Variants in TMOD3 observed in about 807,000 individuals in gnomAD.
TMOD3 encodes the protein tropomodulin 3, also known as tropomodulin-3.
TMOD3 carries 20 observed loss-of-function variants against 39.2 expected under a neutral mutation model. The observed-to-expected ratio is 0.51, with a 90% CI of 0.36 to 0.74. The LOEUF (loss-of-function observed/expected upper bound fraction) is 0.74, where lower values mean the gene tolerates loss of function less well. Among genes scored for constraint, TMOD3 ranks in the 30% least tolerant of loss-of-function variants. The pLI, the probability that TMOD3 is intolerant of heterozygous loss-of-function variation, is 0.00. For synonymous variants in TMOD3, 143 were observed against 145.8 expected (o/e 0.98, Z 0.14); for missense variants, 381 against 412.8 (o/e 0.92, Z 0.67).
rs2593179 is a variant in TMOD3, at chr15:51,912,407, A to G, written c.*3597A>G. ...GCGCCATTGCACTCCAGCATGGGCA[A>G]CAAGAGTGAAACTCCGTCTCAAAAA... is the stretch of plus-strand genomic sequence containing the variant. On this transcript the variant is annotated 3_prime_UTR_variant, in exon 10 of 10. Transcript: ENST00000308580. The G allele has an allele frequency of 0.56, 84,069 of 150,688 alleles. 23,746 individuals are homozygous for G. The highest frequency in any genetic ancestry group is 0.67 in the South Asian group (3,171 of 4,750). The allele number at this position is 150,688 out of a possible 1,614,324, so 9.3% of individuals were successfully genotyped here.
chr15:51,915,644 A>G lies in TMOD3; in HGVS notation c.*6834A>G, dbSNP rs2056729405. 1 of 152,228 alleles carries G rather than the reference A, an allele frequency of 6.6e-6. No homozygotes were observed. 9.4% of individuals were successfully genotyped at this position (152,228 alleles called of 1,614,324 possible). ...CAGCACAGTGAAGTTTCTTTTGAAG[A>G]CTATGTACTGGAAGCATTTAGAACT... is the stretch of plus-strand genomic sequence containing the variant. On this transcript the variant is annotated 3_prime_UTR_variant, in exon 10 of 10. Transcript: ENST00000308580.
chr15:51,839,139 G>A (rs1204315251), intron 1 of TMOD3, among the ~76,000 whole-genome samples: 1 of 132,768 alleles, frequency 7.5e-6, no homozygotes, highest in Admixed American at 8.4e-5. Context: ...CTGGCAGATT[G>A]ACAGCTAAGA....
At chr15:51,852,790 G>A (rs1022903147) in intron 1 of TMOD3, among the ~76,000 whole-genome samples, 1 of 152,194 alleles carries the variant, frequency 6.6e-6, no homozygotes, top group African/African-American at 2.4e-5. Flanking sequence ...AGCCCAGTGG[G>A]GAATGAGATC....
intron 3 of TMOD3, among the ~76,000 whole-genome samples, chr15:51,881,790 C>T (rs975502945): frequency 1.3e-5 from 2 of 151,814 alleles, no homozygotes; most frequent in African/African-American, 4.8e-5. Context: ...CCTTGAACTC[C>T]TGACCTTAGG....
chr15:51,860,376 T>C (rs1287863432), intron 1 of TMOD3: 1 of 543,710 alleles, frequency 1.8e-6, no homozygotes, highest in Non-Finnish European at 3.7e-6. Flanking sequence ...CACATCCATG[T>C]TGGCTTTTTG....
intron 1 of TMOD3, among the ~76,000 whole-genome samples, chr15:51,834,132 C>A (rs1174368883): frequency 1.3e-5 from 2 of 152,000 alleles, no homozygotes; most frequent in South Asian, 2.1e-4. Context: ...TTGGGTCATT[C>A]ATCTTTTTAT....
chr15:51,900,338 C>T, intron 8 of TMOD3, 40 bp downstream of exon 8: 1 of 1,610,848 alleles, frequency 6.2e-7, no homozygotes, highest in Non-Finnish European at 8.5e-7. Flanking sequence ...AAGCTACAGC[C>T]CACGCTGCTG....
chr15:51,830,254 C>T (rs1028363381), intron 1 of TMOD3, among the ~76,000 whole-genome samples: 1 of 152,064 alleles, frequency 6.6e-6, no homozygotes, highest in African/African-American at 2.4e-5. Context: ...AGTGGGGCGG[C>T]GGAGTGGGGG....
In TMOD3 at chr15:51,912,056, A is replaced by G. The variant is rs1201332045; in HGVS notation, c.*3246A>G. ...GTTACATGTAAATAGAATTCTATAAATTGTTTTCCAGTTGACCGAGTATCT... is the reference window on the plus strand; with the variant it reads ...GTTACATGTAAATAGAATTCTATAAGTTGTTTTCCAGTTGACCGAGTATCT... On this transcript the variant is annotated 3_prime_UTR_variant, in exon 10 of 10. Transcript: ENST00000308580. The G allele has an allele frequency of 1.3e-5, 2 of 152,210 alleles. No homozygotes were observed. The highest frequency in any genetic ancestry group is 2.9e-5 in the Non-Finnish European group (2 of 68,048). 9.4% of individuals were successfully genotyped at this position (152,210 alleles called of 1,614,324 possible). A position where few individuals can be genotyped will look rare whatever the true frequency, so the allele number is the denominator to read the frequency against.
rs76174896 is a variant in TMOD3 at position 51,886,775 on chromosome 15, C to T, written c.284-814C>T. Reference sequence around the variant, plus strand: ...TAGTTTCTTAATAGCTAACCTTGTTCGTGTACGTTGAGGCTTAGAGGAATA... The same window carrying T: ...TAGTTTCTTAATAGCTAACCTTGTTTGTGTACGTTGAGGCTTAGAGGAATA... On this transcript the variant is annotated intron_variant, in intron 3 of 9. Coordinates refer to ENST00000308580, the MANE Select transcript of TMOD3 (RefSeq NM_014547.5). Among the ~76,000 whole-genome samples, 256 of 152,196 alleles carry T rather than the reference C, an allele frequency of 1.7e-3. 11 individuals are homozygous for T. The highest frequency in any genetic ancestry group is 0.012 in the East Asian group (64 of 5,176).
Position 51,909,627 on chromosome 15 carries a change from CTTAG to C in TMOD3, c.*821_*824del, listed in dbSNP as rs1398028279. ...CCCCAAAAAAGGCGTACAGCCAACT[CTTAG>C]TTATTTAGGGTAAGAGAAAAAAGAA... On this transcript the variant is annotated 3_prime_UTR_variant, in exon 10 of 10. Coordinates refer to ENST00000308580, the MANE Select transcript of TMOD3 (RefSeq NM_014547.5). 3.3e-5 allele frequency: 5 copies of C among 152,440 alleles called. No individual in the cohort carries two copies. The highest frequency in any genetic ancestry group is 1.9e-4 in the East Asian group (1 of 5,184). The allele number at this position is 152,440 out of a possible 1,614,324, so 9.4% of individuals were successfully genotyped here.
Position 51,862,869 on chromosome 15 carries a change from T to A in TMOD3, c.-16T>A. ...ACTGAACAGCAAAAATTAAGTGACT[T>A]GCTGCCCTGCACATCATGGCACTGC... On this transcript the variant is annotated 5_prime_UTR_variant, in exon 2 of 10. Coordinates refer to ENST00000308580, the MANE Select transcript of TMOD3 (RefSeq NM_014547.5). 4.4e-6 allele frequency: 7 copies of A among 1,607,590 alleles called. No individual in the cohort carries two copies. The highest frequency in any genetic ancestry group is 5.9e-6 in the Non-Finnish European group (7 of 1,177,790).
intron 1 of TMOD3, among the ~76,000 whole-genome samples, chr15:51,834,264 TGAG>T (rs2056270286): frequency 1.3e-5 from 2 of 152,202 alleles, no homozygotes; most frequent in African/African-American, 4.8e-5. Context: ...GATATTGTGA[TGAG>T]CAGAAATTTT....
chr15:51,881,550 C>CTTTTTTTTTTTTT lies in TMOD3; in HGVS notation c.284-6023_284-6011dup, dbSNP rs753814979. Among the ~76,000 whole-genome samples, 272 of 61,848 alleles carry CTTTTTTTTTTTTT rather than the reference C, an allele frequency of 4.4e-3. 25 individuals carry two copies. The highest frequency in any genetic ancestry group is 8.9e-3 in the East Asian group (14 of 1,576). 40.6% of individuals were successfully genotyped at this position (61,848 alleles called of 152,430 possible). On this transcript the variant is annotated intron_variant, in intron 3 of 9. Coordinates refer to ENST00000308580, the MANE Select transcript of TMOD3 (RefSeq NM_014547.5). Reference sequence around the variant, plus strand: ...ACGGAGATACAATCTTTCTTTATTTCTTTTTTTTTTTTTTTTTTTTTTTTT... The same window carrying CTTTTTTTTTTTTT: ...ACGGAGATACAATCTTTCTTTATTTCTTTTTTTTTTTTTTTTTTTTTTTTTTTTTTTTTTTTTT...
intron 1 of TMOD3, among the ~76,000 whole-genome samples, chr15:51,854,117 A>G (rs1430307117): frequency 6.6e-6 from 1 of 152,208 alleles, no homozygotes; most frequent in Admixed American, 6.5e-5. Context: ...TGTGTATCTT[A>G]TGCTGAGGAG....
chr15:51,831,343 T>C (rs2056254048), intron 1 of TMOD3, among the ~76,000 whole-genome samples: 1 of 152,236 alleles, frequency 6.6e-6, no homozygotes, highest in Admixed American at 6.5e-5. Flanking sequence ...TTTCGTGTCT[T>C]AATTACTGGC....
intron 2 of TMOD3, among the ~76,000 whole-genome samples, chr15:51,868,845 G>A (rs569640355): frequency 3.3e-5 from 5 of 152,206 alleles, no homozygotes; most frequent in South Asian, 2.1e-4. Context: ...GGTGGCAGGC[G>A]CCTGTAATCC....
At chr15:51,905,805 G>A (rs576341220) in intron 9 of TMOD3, among the ~76,000 whole-genome samples, 66 of 151,638 alleles carry the variant, frequency 4.4e-4, no homozygotes, top group South Asian at 1.0e-3. Context: ...TTAGCTGGGC[G>A]CGGTGGCGGG....
At chr15:51,886,111 C>T (rs2056561195) in intron 3 of TMOD3, among the ~76,000 whole-genome samples, 1 of 151,278 alleles carries the variant, frequency 6.6e-6, no homozygotes, top group South Asian at 2.1e-4. Context: ...GACGGGGTGG[C>T]GGTCGGGCAG....
Sources: allele counts gnomAD v4.1 joint callset (sites outside exome capture counted in the v4.1 genomes callset), GRCh38; gene constraint gnomAD v4.1.1; transcripts MANE v1.5; gene names NCBI Gene and HGNC (gene_info 2026-07-23, HGNC 2026-07-21).